IQGAP2: variants seen among roughly 807,000 people sequenced by gnomAD.
The protein encoded by IQGAP2 is IQ motif containing GTPase activating protein 2, also known as ras GTPase-activating-like protein IQGAP2.
IQGAP2 carries 173 observed loss-of-function variants against 201.3 expected under a neutral mutation model. The ratio of observed to expected loss-of-function variants is 0.86; its 90% CI spans 0.76 to 0.98. The LOEUF is 0.98. Among genes scored for constraint, IQGAP2 ranks in the 50% least tolerant of loss-of-function variants. The pLI is 0.00. For synonymous variants in IQGAP2, 675 were observed against 673.9 expected (o/e 1.00, Z -0.03); for missense variants, 1,687 against 1,864.8 (o/e 0.90, Z 1.76).
intron 2 of IQGAP2, among the ~76,000 whole-genome samples, chr5:76,561,368 C>T (rs1176154940): frequency 2.6e-5 from 4 of 152,160 alleles, no homozygotes; most frequent in Non-Finnish European, 5.9e-5. Flanking sequence ...ACAGTGTTGG[C>T]AACTTGGGTT....
At chr5:76,698,209 G>T in intron 33 of IQGAP2, 62 bp downstream of exon 33, 1 of 1,321,054 alleles carries the variant, frequency 7.6e-7, no homozygotes, top group East Asian at 2.5e-5. Flanking sequence ...TGTCAATTCT[G>T]TGTTTCTAGG....
intron 2 of IQGAP2, among the ~76,000 whole-genome samples, chr5:76,557,804 T>G: frequency 6.6e-6 from 1 of 152,294 alleles, no homozygotes; most frequent in Middle Eastern, 3.4e-3. Context: ...TTTATTTATT[T>G]ATTTATTTTT....
At chr5:76,649,332 T>C (rs1486725190) in intron 17 of IQGAP2, among the ~76,000 whole-genome samples, 1 of 152,072 alleles carries the variant, frequency 6.6e-6, no homozygotes, top group Non-Finnish European at 1.5e-5. Flanking sequence ...ACTGTCAACA[T>C]AGAATTTTAT....
intron 15 of IQGAP2, among the ~76,000 whole-genome samples, chr5:76,636,438 T>C (rs1022112582): frequency 3.3e-5 from 5 of 152,236 alleles, no homozygotes; most frequent in Admixed American, 3.3e-4. Flanking sequence ...TTTTTTCTCA[T>C]TTCTTGTGGT....
intron 1 of IQGAP2, 78 bp from the exon 2 acceptor site, chr5:76,461,492 T>A: frequency 1.1e-6 from 1 of 951,516 alleles, no homozygotes; most frequent in East Asian, 2.5e-5. Flanking sequence ...CTGCATATGA[T>A]TTTTTTCTGA....
At chr5:76,407,398 C>G (rs2150067497) in intron 1 of IQGAP2, among the ~76,000 whole-genome samples, 1 of 152,316 alleles carries the variant, frequency 6.6e-6, no homozygotes, top group South Asian at 2.1e-4. Flanking sequence ...GATGACCAAT[C>G]TGAGATGAAA....
At chr5:76,439,095 C>T (rs1752883534) in intron 1 of IQGAP2, among the ~76,000 whole-genome samples, 1 of 152,114 alleles carries the variant, frequency 6.6e-6, no homozygotes, top group African/African-American at 2.4e-5. Flanking sequence ...AAGTTTCCAT[C>T]TTGATTTCAT....
At chr5:76,669,390 G>A (rs1744086168) in intron 23 of IQGAP2, among the ~76,000 whole-genome samples, 1 of 152,202 alleles carries the variant, frequency 6.6e-6, no homozygotes. Context: ...GAGCACGGGA[G>A]CCAGGCACCT....
At chr5:76,681,706 A>T (rs974778662) in intron 28 of IQGAP2, among the ~76,000 whole-genome samples, 1 of 152,164 alleles carries the variant, frequency 6.6e-6, no homozygotes, top group Non-Finnish European at 1.5e-5. Flanking sequence ...AAAAAAAATT[A>T]AACATAGAAT....
At chr5:76,576,235 C>G (rs140961220) in intron 5 of IQGAP2, among the ~76,000 whole-genome samples, 74 of 152,192 alleles carry the variant, frequency 4.9e-4, no homozygotes, top group African/African-American at 1.6e-3. Flanking sequence ...TTCTTTTGAT[C>G]TTCTGTTCAA....
intron 5 of IQGAP2, among the ~76,000 whole-genome samples, chr5:76,581,239 G>C (rs1745829492): frequency 6.6e-6 from 1 of 152,192 alleles, no homozygotes; most frequent in Admixed American, 6.5e-5. Context: ...AACTTTCCTT[G>C]TCTTAACACT....
At chr5:76,681,898 AAAG>A (rs1451620417) in intron 28 of IQGAP2, among the ~76,000 whole-genome samples, 1 of 152,240 alleles carries the variant, frequency 6.6e-6, no homozygotes, top group Non-Finnish European at 1.5e-5. Context: ...TCAGCTCTAA[AAAG>A]AAGGAAATTC....
Position 76,683,850 on chromosome 5 carries a change from C to T in IQGAP2, c.3838C>T (p.Leu1280Phe). 1.2e-6 allele frequency: 2 copies of T among 1,613,590 alleles called. No individual in the cohort carries two copies. Among genetic ancestry groups the T allele is most frequent in the Non-Finnish European group, 1.7e-6 (2 of 1,179,726 alleles). ...LSQLSKTEIS[L>F]VLTSKYDIED... ...TCAGCTTTCAAAGACCGAGATTTCTCTTGTCTTGACAAGCAAATATGACAT... is the reference window on the plus strand; with the variant it reads ...TCAGCTTTCAAAGACCGAGATTTCTTTTGTCTTGACAAGCAAATATGACAT... The change falls in exon 30 of 36, where the codon CTT becomes TTT. Residue 1280 changes from leucine to phenylalanine, a missense_variant. By Grantham distance (22) the Leu-to-Phe change is conservative (BLOSUM62 0). Transcript: ENST00000274364.
In IQGAP2 at chr5:76,609,314, G is replaced by A; in HGVS notation, c.1358-1706G>A. 10 of 1,339,376 alleles carry A rather than the reference G, an allele frequency of 7.5e-6. 1 individual carries two copies. In the South Asian group the frequency reaches 1.3e-4, roughly 17 times the overall value. The allele number at this position is 1,339,376 out of a possible 1,614,324, so 83.0% of individuals were successfully genotyped here. On this transcript the variant is annotated intron_variant, in intron 12 of 35. Coordinates refer to ENST00000274364, the MANE Select transcript of IQGAP2 (RefSeq NM_006633.5). ...CACTCCAGTTTATAAATCCTATAGG[G>A]TAAAACGACAGTACCTTGTATATAG...
chr5:76,618,033 A>G (rs1393934445), intron 13 of IQGAP2: 1 of 1,614,030 alleles, frequency 6.2e-7, no homozygotes, highest in Non-Finnish European at 8.5e-7. Flanking sequence ...AAATGGCAGC[A>G]TATATAAGAA....
intron 2 of IQGAP2, among the ~76,000 whole-genome samples, chr5:76,539,368 A>G (rs909003167): frequency 1.3e-5 from 2 of 152,114 alleles, no homozygotes; most frequent in African/African-American, 4.8e-5. Flanking sequence ...TACCAGTCTC[A>G]TGCTCATGGG....
intron 2 of IQGAP2, among the ~76,000 whole-genome samples, chr5:76,470,664 G>C (rs1755050510): frequency 6.6e-6 from 1 of 152,112 alleles, no homozygotes; most frequent in African/African-American, 2.4e-5. Context: ...TCCAGCTTCA[G>C]CCTCCCAAGT....
intron 17 of IQGAP2, among the ~76,000 whole-genome samples, chr5:76,647,108 T>C (rs989903095): frequency 2.6e-5 from 4 of 152,190 alleles, no homozygotes; most frequent in African/African-American, 7.2e-5. Flanking sequence ...TAAAAATTAT[T>C]TGGGCTTGCC....
At chr5:76,673,828 C>T in intron 25 of IQGAP2, 124 bp from the exon 26 acceptor site, 1 of 701,908 alleles carries the variant, frequency 1.4e-6, no homozygotes, top group Non-Finnish European at 2.5e-6. Context: ...CCATTACCAT[C>T]TCATCTTATG....
Sources: allele counts gnomAD v4.1 joint callset (sites outside exome capture counted in the v4.1 genomes callset), GRCh38; gene constraint gnomAD v4.1.1; transcripts MANE v1.5; gene names NCBI Gene and HGNC (gene_info 2026-07-23, HGNC 2026-07-21).